Variants in DLG5 observed in about 807,000 individuals in gnomAD.
DLG5 encodes discs large MAGUK scaffold protein 5.
Under a neutral mutation model 189.8 loss-of-function variants are expected in DLG5, and 48 were observed. The ratio of observed to expected loss-of-function variants is 0.25; its 90% confidence interval spans 0.20 to 0.32. The LOEUF is 0.32. DLG5 is among the 10% of genes least tolerant of loss of function. The pLI, the probability that DLG5 is intolerant of heterozygous loss-of-function variation, is 1.00. For missense variants in DLG5, 2,160 were observed against 2,544.7 expected (o/e 0.85, Z 3.25); for synonymous variants, 1,016 against 1,054.1 (o/e 0.96, Z 0.70).
chr10:77,820,814 G>A, intron 15 of DLG5: 1 of 502,310 alleles, frequency 2.0e-6, no homozygotes, highest in Non-Finnish European at 3.5e-6. Flanking sequence ...TATTGTGTAA[G>A]TTCAAAAGCT....
chr10:77,891,615 C>CACACAT (rs1845611608), intron 1 of DLG5, among the ~76,000 whole-genome samples: 1 of 144,840 alleles, frequency 6.9e-6, no homozygotes, highest in Admixed American at 7.0e-5. Flanking sequence ...CACACACACA[C>CACACAT]GAGAAGAAAG....
Position 77,813,294 on chromosome 10 carries a change from T to C in DLG5, c.4026-917A>G, listed in dbSNP as rs894430643. Among the ~76,000 whole-genome samples, 6 of 152,210 alleles carry C rather than the reference T, an allele frequency of 3.9e-5. No homozygotes were observed. In the East Asian group the frequency reaches 1.2e-3, roughly 29 times the overall value. ...CAGTCCAGGTCCCCTCTACAGCACATGGTCAGGATAGATTCTAGCGGGGAG... is the reference window on the plus strand; with the variant it reads ...CAGTCCAGGTCCCCTCTACAGCACACGGTCAGGATAGATTCTAGCGGGGAG... On this transcript the variant is annotated intron_variant, in intron 20 of 31. Coordinates refer to ENST00000372391, the MANE Select transcript of DLG5 (RefSeq NM_004747.4).
At position 77,812,328 on chromosome 10, in the gene DLG5, G is replaced by A. The variant is rs375726502; in HGVS notation, c.4075C>T (p.Pro1359Ser). ...CCACTCACGATGGAGATGCCCAGCGGCTCTGAGCCCTTCTGCACCTTCACG... is the reference window on the plus strand; with the variant it reads ...CCACTCACGATGGAGATGCCCAGCGACTCTGAGCCCTTCTGCACCTTCACG... ...RHVKVQKGSE[P>S]LGISIVSGEK... The change falls in exon 21 of 32, where the codon CCG (proline) becomes TCG (serine). Residue 1359 changes from proline (P) to serine (S), a missense_variant. By Grantham distance (74) the Pro-to-Ser change is moderately conservative. This residue lies in a region of DLG5 where 61 missense variants were observed against 101.0 expected (regional missense o/e 0.60). Coordinates refer to ENST00000372391, the MANE Select transcript of DLG5 (RefSeq NM_004747.4). 1 of 1,614,026 alleles carries A rather than the reference G, an allele frequency of 6.2e-7. No individual in the cohort carries two copies. The highest frequency in any genetic ancestry group is 1.3e-5 in the African/African-American group (1 of 74,944).
At position 77,796,740 on chromosome 10, in the gene DLG5, C is replaced by A. The variant is rs1474768224; in HGVS notation, c.5165-146G>T. The A allele has an allele frequency of 4.0e-6, 4 of 996,518 alleles. No individual in the cohort carries two copies. The African/African-American group carries it at 6.5e-5, about 16-fold the overall frequency. The allele number at this position is 996,518 out of a possible 1,614,324, so 61.7% of individuals were successfully genotyped here. A position where few individuals can be genotyped will look rare whatever the true frequency, so the allele number is the denominator to read the frequency against. Reference sequence around the variant, plus strand: ...AGCACTGAAAATCTCGTGTCCCAGGCACAACCGGGCATCGTCACCCCTGGA... The same window carrying A: ...AGCACTGAAAATCTCGTGTCCCAGGAACAACCGGGCATCGTCACCCCTGGA... On this transcript the variant is annotated intron_variant, in intron 27 of 31. Coordinates refer to ENST00000372391, the MANE Select transcript of DLG5 (RefSeq NM_004747.4). The surrounding 1 kb of genome is among the most constrained non-coding windows in gnomAD (Gnocchi z 5.2).
At chr10:77,803,064 C>T (rs1426754703) in intron 27 of DLG5, among the ~76,000 whole-genome samples, 1 of 151,932 alleles carries the variant, frequency 6.6e-6, no homozygotes. Context: ...TATTTTAACC[C>T]CCAAAAGAAT....
At chr10:77,846,241 G>A (rs568333233) in intron 5 of DLG5, among the ~76,000 whole-genome samples, 3 of 152,142 alleles carry the variant, frequency 2.0e-5, no homozygotes, top group South Asian at 2.1e-4. Context: ...GCGAGACTTC[G>A]TCTCAAAAAA....
chr10:77,795,987 G>A (rs550337227), intron 29 of DLG5, 74 bp downstream of exon 29: 9 of 1,601,740 alleles, frequency 5.6e-6, no homozygotes, highest in East Asian at 2.2e-5. Context: ...AGAGGATCAC[G>A]GACCAGGGGC....
intron 20 of DLG5, among the ~76,000 whole-genome samples, chr10:77,815,536 T>G (rs1284737799): frequency 6.6e-6 from 1 of 152,118 alleles, no homozygotes; most frequent in Non-Finnish European, 1.5e-5. Flanking sequence ...GGTGGGCGCC[T>G]GTAATCTCAG....
chr10:77,793,721 C>G lies in DLG5; in HGVS notation c.5656+287G>C, dbSNP rs1346560919. On this transcript the variant is annotated intron_variant, in intron 31 of 31. Transcript: ENST00000372391. ...CTGGGGACACTGTGGCTGCACTAAA[C>G]TGCACCTGTGCTATGAGACAGACCC... The G allele has an allele frequency of 8.8e-5, 39 of 444,320 alleles. No individual in the cohort carries two copies. The East Asian group carries it at 1.8e-3, about 21-fold the overall frequency. 27.5% of individuals were successfully genotyped at this position (444,320 alleles called of 1,614,324 possible).
upstream of DLG5, chr10:77,928,568 C>CT: frequency 6.6e-6 from 1 of 152,338 alleles, no homozygotes; most frequent in African/African-American, 2.4e-5. Context: ...CTTAGGGCAA[C>CT]CCCAGAGCTT....
chr10:77,857,712 C>T (rs886142041), intron 2 of DLG5, among the ~76,000 whole-genome samples: 20 of 152,208 alleles, frequency 1.3e-4, no homozygotes, highest in African/African-American at 4.8e-4. Flanking sequence ...AGCACCTCAT[C>T]CCAGGAGAAG....
intron 1 of DLG5, among the ~76,000 whole-genome samples, chr10:77,908,065 C>T (rs1353471386): frequency 5.3e-5 from 8 of 152,158 alleles, no homozygotes; most frequent in African/African-American, 1.7e-4. Context: ...TCACGGATCC[C>T]ACTGCAGAGG....
chr10:77,884,548 G>C (rs1166748438), intron 1 of DLG5, among the ~76,000 whole-genome samples: 2 of 152,046 alleles, frequency 1.3e-5, no homozygotes, highest in Admixed American at 6.5e-5. Context: ...CATGGTGGTC[G>C]GCACTTAGCA....
At chr10:77,793,115 C>G (rs74140330) in intron 31 of DLG5, 3 of 152,286 alleles carry the variant, frequency 2.0e-5, no homozygotes, top group African/African-American at 7.2e-5. Flanking sequence ...GGAAACAGGA[C>G]GTCGTAATTT....
At position 77,819,295 on chromosome 10, in the gene DLG5, G is replaced by C. The variant is rs148978171; in HGVS notation, c.3671+26C>G. ...GGCAGGCTTGGGCAGCTGGAGTACA[G>C]AGAAGCGTAGGGTGCCTTCACATAC... On this transcript the variant is annotated intron_variant, in intron 17 of 31. Coordinates refer to ENST00000372391, the MANE Select transcript of DLG5 (RefSeq NM_004747.4). 1.7e-5 allele frequency: 27 copies of C among 1,613,498 alleles called. No homozygotes were observed. The African/African-American group carries it at 3.5e-4, about 21-fold the overall frequency.
At chr10:77,836,022 G>T in intron 7 of DLG5, 100 bp from the exon 8 acceptor site, 2 of 1,287,550 alleles carry the variant, frequency 1.6e-6, no homozygotes, top group Non-Finnish European at 1.1e-6. Context: ...GCTCTAGGGA[G>T]CTGGATGGAG....
chr10:77,908,418 C>T (rs763744375), intron 1 of DLG5, among the ~76,000 whole-genome samples: 3 of 152,142 alleles, frequency 2.0e-5, no homozygotes, highest in African/African-American at 4.8e-5. Flanking sequence ...CAATGCCAAC[C>T]CAACCCATTC....
intron 11 of DLG5, 38 bp downstream of exon 11, chr10:77,830,179 C>T: frequency 1.2e-6 from 2 of 1,612,242 alleles, no homozygotes; most frequent in East Asian, 2.2e-5. Flanking sequence ...GGAAGAAGGG[C>T]CCCACCTTGC....
chr10:77,843,842 G>C, intron 5 of DLG5, 136 bp from the exon 6 acceptor site: 10 of 1,089,634 alleles, frequency 9.2e-6, no homozygotes, highest in Non-Finnish European at 1.3e-5. Flanking sequence ...TAAAGCTTTT[G>C]AGAGTCTTGA....
Sources: allele counts gnomAD v4.1 joint callset (sites outside exome capture counted in the v4.1 genomes callset), GRCh38; gene constraint gnomAD v4.1.1; regional missense constraint gnomAD v4.1.1; non-coding constraint Gnocchi (gnomAD v3.1); transcripts MANE v1.5; gene names NCBI Gene and HGNC (gene_info 2026-07-23, HGNC 2026-07-21).